Variants in KCP observed in about 807,000 individuals in gnomAD.
KCP encodes kielin/chordin-like protein.
Under a neutral mutation model 212.7 loss-of-function variants are expected in KCP, and 194 were observed. The observed-to-expected ratio is 0.91, with a 90% CI of 0.81 to 1.03. The LOEUF is 1.03. KCP is among the 50% of genes least tolerant of loss of function. KCP has a pLI of 0.00. For missense variants in KCP, 2,080 were observed against 2,162.5 expected (o/e 0.96, Z 0.76); for synonymous variants, 833 against 865.3 (o/e 0.96, Z 0.65).
intron 2 of KCP, 94 bp from the exon 3 acceptor site, chr7:128,907,547 A>G: frequency 1.1e-6 from 1 of 889,126 alleles, no homozygotes; most frequent in Non-Finnish European, 1.6e-6. Context: ...AGGATGAGAA[A>G]GAAGTTCGCC....
rs1188362568 is a variant in KCP at position 128,894,069 on chromosome 7, G to T, written c.926-14C>A. The T allele has an allele frequency of 6.5e-7, 1 of 1,547,426 alleles. No individual in the cohort carries two copies. Among genetic ancestry groups the T allele is most frequent in the South Asian group, 1.2e-5 (1 of 83,824 alleles). ...TTAGGAAACAGCCTGTTGGGAAGGG[G>T]GGCCTTAGATGTTCCTCAGGGGCCC... On this transcript the variant is annotated splice_polypyrimidine_tract_variant and intron_variant, in intron 9 of 39. Coordinates refer to ENST00000610776, the MANE Select transcript of KCP (RefSeq NM_001366122.1).
rs565925477 is a variant in KCP, at chr7:128,894,030, G to A, written c.951C>T (p.His317=). Residue 317 remains histidine (H), a synonymous_variant, in exon 10 of 40, where the codon CAC becomes CAT. Coordinates refer to ENST00000610776, the MANE Select transcript of KCP (RefSeq NM_001366122.1). The part of the protein sequence containing the change: ...CDGCFLNGRE[H]RSGEPVGSGD... ...CTGAGCCCACAGGCTCCCCGCTGCG[G>A]TGCTCCCGCCCGTTTAGGAAACAGC... 6.2e-5 allele frequency: 96 copies of A among 1,550,048 alleles called. No individual in the cohort carries two copies. In the African/African-American group the frequency reaches 1.2e-3, roughly 20 times the overall value.
chr7:128,893,066 C>T, intron 13 of KCP, 45 bp from the exon 14 acceptor site: 1 of 873,590 alleles, frequency 1.1e-6, no homozygotes, highest in Admixed American at 2.0e-5. Context: ...CACCTCCCAC[C>T]CATCCCTGTC....
In KCP at chr7:128,904,922, A is replaced by G. The variant is rs543371728; in HGVS notation, c.572-784T>C. 1.2e-4 allele frequency among the ~76,000 whole-genome samples: 19 copies of G among 152,270 alleles called. No individual in the cohort carries two copies. In the South Asian group the frequency reaches 3.9e-3, roughly 32 times the overall value. On this transcript the variant is annotated intron_variant, in intron 5 of 39. Coordinates refer to ENST00000610776, the MANE Select transcript of KCP (RefSeq NM_001366122.1). ...GTGTCTTGAGGAAAGGGTGCCTTTT[A>G]AAATTTCACCAAAGACATCATATAG...
chr7:128,891,147 ACC>A lies in KCP; in HGVS notation c.1972+36_1972+37del, dbSNP rs1298809406. 4 of 1,536,530 alleles carry A rather than the reference ACC, an allele frequency of 2.6e-6. No homozygotes were observed. The South Asian group carries it at 4.8e-5, about 18-fold the overall frequency. ...GGCCCAGGAACAGGCCTCCGAGGGG[ACC>A]CCCAGGGAGGAGCAGCCGAGGGGTG... On this transcript the variant is annotated intron_variant, in intron 19 of 39. Coordinates refer to ENST00000610776, the MANE Select transcript of KCP (RefSeq NM_001366122.1).
chr7:128,894,311 C>G lies in KCP; in HGVS notation c.832-18G>C. 1 of 1,518,204 alleles carries G rather than the reference C, an allele frequency of 6.6e-7. No individual in the cohort carries two copies. Among genetic ancestry groups the G allele is most frequent in the Non-Finnish European group, 8.9e-7 (1 of 1,126,586 alleles). 94.0% of individuals were successfully genotyped at this position (1,518,204 alleles called of 1,614,324 possible). ...TGACCCTCCTGGTGGGGAGAATGAA[C>G]AGGGGAAGGGGCCGACAGGGCTCAA... On this transcript the variant is annotated intron_variant, in intron 8 of 39. Transcript: ENST00000610776.
rs140233672 is a variant in KCP at position 128,880,214 on chromosome 7, T to C, written c.3760-129A>G. 4.6e-6 allele frequency: 6 copies of C among 1,293,906 alleles called. No homozygotes were observed. In the South Asian group the frequency reaches 7.7e-5, roughly 17 times the overall value. The allele number at this position is 1,293,906 out of a possible 1,614,324, so 80.2% of individuals were successfully genotyped here. On this transcript the variant is annotated intron_variant, in intron 34 of 39. Coordinates refer to ENST00000610776, the MANE Select transcript of KCP (RefSeq NM_001366122.1). ...CCAGGACTCTGGCTCCCAGGCTCCC[T>C]GTGAGTGAGGTCAGGGCACCACATC... is the stretch of plus-strand genomic sequence containing the variant.
chr7:128,878,422 A>G, intron 38 of KCP, 136 bp downstream of exon 38: 1 of 962,842 alleles, frequency 1.0e-6, no homozygotes, highest in East Asian at 2.7e-5. Context: ...AAGCCCCCAC[A>G]CCTCCCTGAA....
intron 20 of KCP, 67 bp downstream of exon 20, chr7:128,890,838 G>T: frequency 8.5e-7 from 1 of 1,173,780 alleles, no homozygotes; most frequent in Non-Finnish European, 1.1e-6. Context: ...GGACTGGGCA[G>T]GGCGCTCCGG....
chr7:128,907,072 G>A (rs2128950755), intron 4 of KCP, 29 bp downstream of exon 4: 1 of 1,545,394 alleles, frequency 6.5e-7, no homozygotes, highest in East Asian at 2.5e-5. Flanking sequence ...GACAGGTGAG[G>A]GATATCCAGG....
rs892931557 is a variant in KCP at position 128,910,660 on chromosome 7, G to A, written c.17C>T (p.Ala6Val). 4.6e-6 allele frequency: 7 copies of A among 1,508,182 alleles called. No homozygotes were observed. Among genetic ancestry groups the A allele is most frequent in the Admixed American group, 2.1e-5 (1 of 48,172 alleles). The allele number at this position is 1,508,182 out of a possible 1,614,324, so 93.4% of individuals were successfully genotyped here. MAGVG[A>V]AALSLLLHLG... ...GTGCAGGAGAAGGGACAGCGCAGCG[G>A]CCCCGACCCCGGCCATGCTAGCTCC... The change falls in exon 1 of 40, where the codon GCC (alanine) becomes GTC (valine). Residue 6 changes from alanine to valine, a missense_variant. Physicochemically the swap from Ala to Val is moderately conservative, Grantham distance 64 (BLOSUM62 0). Coordinates refer to ENST00000610776, the MANE Select transcript of KCP (RefSeq NM_001366122.1).
intron 8 of KCP, among the ~76,000 whole-genome samples, chr7:128,899,783 A>G (rs957423739): frequency 7.6e-6 from 1 of 131,856 alleles, no homozygotes; most frequent in Non-Finnish European, 1.5e-5. Flanking sequence ...ACAGGTCACA[A>G]TTGGAGAAAC....
At position 128,884,858 on chromosome 7, in the gene KCP, C is replaced by A; in HGVS notation, c.3046G>T (p.Glu1016Ter). ...GGCTCGTACTTCCGGCCCTCATGCT[C>A]ACAGTCTTTGGGGTGGAGTGAGAGC... ...HDCCPQCSDC[E>*]HEGRKYEPGE... Residue 1016 changes from glutamate to a stop codon, truncating the protein, a stop_gained, in exon 28 of 40, where the codon GAG becomes TAG. Coordinates refer to ENST00000610776, the MANE Select transcript of KCP (RefSeq NM_001366122.1). LOFTEE classifies it high-confidence loss of function. 1 of 1,550,884 alleles carries A rather than the reference C, an allele frequency of 6.4e-7. No homozygotes were observed. The highest frequency in any genetic ancestry group is 8.7e-7 in the Non-Finnish European group (1 of 1,146,964).
Position 128,890,330 on chromosome 7 carries a change from C to T in KCP, c.2335+13G>A. 2 of 1,551,576 alleles carry T rather than the reference C, an allele frequency of 1.3e-6. No individual in the cohort carries two copies. The highest frequency in any genetic ancestry group is 1.7e-6 in the Non-Finnish European group (2 of 1,147,002). On this transcript the variant is annotated intron_variant, in intron 21 of 39. Transcript: ENST00000610776. ...CATCCCACCCCGGCAGCTCCCTATC[C>T]CATGACCCTCACCATCACAGTCAGG...
chr7:128,892,469 C>G (rs1447913674), intron 16 of KCP, 45 bp downstream of exon 16: 2 of 1,386,658 alleles, frequency 1.4e-6, no homozygotes, highest in Non-Finnish European at 1.9e-6. Context: ...GGGACAGCAG[C>G]CTCTGGGGCC....
chr7:128,897,410 C>T (rs886952434), intron 8 of KCP, among the ~76,000 whole-genome samples: 3 of 152,202 alleles, frequency 2.0e-5, no homozygotes, highest in African/African-American at 7.2e-5. Context: ...GTTCAGGGTT[C>T]AGCTCACAAC....
At chr7:128,905,476 C>T (rs1795078786) in intron 5 of KCP, among the ~76,000 whole-genome samples, 1 of 152,170 alleles carries the variant, frequency 6.6e-6, no homozygotes, top group East Asian at 1.9e-4. Context: ...TCGGCCTCCA[C>T]TATTCCAGGG....
rs376572065 is a variant in KCP, at chr7:128,878,686, C to T, written c.4183G>A (p.Val1395Ile). The change falls in exon 38 of 40, where the codon GTA becomes ATA. Residue 1395 changes from valine (V) to isoleucine (I), a missense_variant. Transcript: ENST00000610776. ...WDGQSQVEVS[V>I]PGSYQGRTCG... is the part of the protein sequence containing the mutation. ...GTCCGGCCCTGGTAGGAGCCAGGTA[C>T]GCTCACCTCCACCTGGGACTGCCCA... 184 of 1,550,746 alleles carry T rather than the reference C, an allele frequency of 1.2e-4. No homozygotes were observed. The African/African-American group carries it at 1.5e-3, about 12-fold the overall frequency.
chr7:128,892,687 C>A lies in KCP; in HGVS notation c.1527+1G>T, dbSNP rs1794236928. Reference sequence around the variant, plus strand: ...GGGCAGCAGCAAGGCTGGGCAGTTACCTGACAGTGGCAGGCATGGCAAGGG... The same window carrying A: ...GGGCAGCAGCAAGGCTGGGCAGTTAACTGACAGTGGCAGGCATGGCAAGGG... On this transcript the variant is annotated splice_donor_variant, in intron 15 of 39. Transcript: ENST00000610776. LOFTEE classifies it high-confidence loss of function. 1 of 1,551,760 alleles carries A rather than the reference C, an allele frequency of 6.4e-7. No individual in the cohort carries two copies. Among genetic ancestry groups the A allele is most frequent in the Middle Eastern group, 1.7e-4 (1 of 5,992 alleles).
Sources: allele counts gnomAD v4.1 joint callset (sites outside exome capture counted in the v4.1 genomes callset), GRCh38; gene constraint gnomAD v4.1.1; transcripts MANE v1.5; gene names NCBI Gene and HGNC (gene_info 2026-07-23, HGNC 2026-07-21).